The following NRG3 variants were observed in gnomAD, a reference collection of about 807,000 sequenced individuals.
The protein encoded by NRG3 is neuregulin 3.
In NRG3, 31 loss-of-function variants were observed where a neutral mutation model predicts 66.9. The observed-to-expected ratio is 0.46, with a 90% confidence interval of 0.35 to 0.63. The LOEUF (loss-of-function observed/expected upper bound fraction) is 0.63, where lower values mean the gene tolerates loss of function less well. Among genes scored for constraint, NRG3 ranks in the 20% least tolerant of loss-of-function variants. The pLI, the probability that NRG3 is intolerant of heterozygous loss-of-function variation, is 0.00. For synonymous variants in NRG3, 393 were observed against 359.4 expected (o/e 1.09, Z -1.06); for missense variants, 910 against 878.9 (o/e 1.04, Z -0.45).
At chr10:82,824,375 C>G (rs2062089789) in intron 3 of NRG3, among the ~76,000 whole-genome samples, 1 of 152,184 alleles carries the variant, frequency 6.6e-6, no homozygotes, top group Non-Finnish European at 1.5e-5. Flanking sequence ...ATTCTCTTCT[C>G]TATATACCCA....
chr10:82,398,625 G>A (rs534021668), intron 2 of NRG3, among the ~76,000 whole-genome samples: 1 of 152,108 alleles, frequency 6.6e-6, no homozygotes, highest in African/African-American at 2.4e-5. Flanking sequence ...TTTAGGCATA[G>A]TAAGTAAACA....
At chr10:82,040,507 G>A (rs1435783460) in intron 1 of NRG3, among the ~76,000 whole-genome samples, 2 of 151,846 alleles carry the variant, frequency 1.3e-5, no homozygotes, top group Non-Finnish European at 2.9e-5. Flanking sequence ...CCATATATGT[G>A]TCTCTACAAA....
intron 2 of NRG3, among the ~76,000 whole-genome samples, chr10:82,540,601 G>A (rs2043478684): frequency 6.6e-6 from 1 of 151,982 alleles, no homozygotes; most frequent in Non-Finnish European, 1.5e-5. Flanking sequence ...GTGGAGTAAG[G>A]GGACATCCAC....
intron 4 of NRG3, among the ~76,000 whole-genome samples, chr10:82,884,400 T>C (rs1366542210): frequency 6.6e-6 from 1 of 152,194 alleles, no homozygotes; most frequent in Non-Finnish European, 1.5e-5. Flanking sequence ...ATTGAGGAAA[T>C]AAAGTTTAAA....
At chr10:81,957,406 A>C (rs1463836341) in intron 1 of NRG3, among the ~76,000 whole-genome samples, 2 of 152,016 alleles carry the variant, frequency 1.3e-5, no homozygotes, top group Non-Finnish European at 2.9e-5. Context: ...CCCTTGCATC[A>C]TGACTCTGCC....
chr10:81,961,434 C>T (rs546283946), intron 1 of NRG3, among the ~76,000 whole-genome samples: 3 of 152,002 alleles, frequency 2.0e-5, no homozygotes, highest in South Asian at 2.1e-4. Context: ...CCCAAGACAC[C>T]GTGACCAGGC....
At chr10:82,745,581 G>T (rs1353600150) in intron 3 of NRG3, among the ~76,000 whole-genome samples, 1 of 152,056 alleles carries the variant, frequency 6.6e-6, no homozygotes, top group Non-Finnish European at 1.5e-5. Context: ...GAGAAACAGA[G>T]AATTATCTGA....
At chr10:81,966,484 A>G (rs1225911198) in intron 1 of NRG3, among the ~76,000 whole-genome samples, 1 of 151,692 alleles carries the variant, frequency 6.6e-6, no homozygotes, top group Non-Finnish European at 1.5e-5. Flanking sequence ...ATTTATTTAT[A>G]TTTTTTGTAG....
chr10:82,397,053 C>A (rs2086761144), intron 2 of NRG3, among the ~76,000 whole-genome samples: 1 of 152,264 alleles, frequency 6.6e-6, no homozygotes, highest in South Asian at 2.1e-4. Context: ...GAGCTTTGTG[C>A]CTTCCTGTTG....
intron 1 of NRG3, among the ~76,000 whole-genome samples, chr10:82,178,575 A>AATAT (rs1276748757): frequency 6.6e-6 from 1 of 152,148 alleles, no homozygotes; most frequent in East Asian, 1.9e-4. Flanking sequence ...TTTATGGCTA[A>AATAT]ATAGTATTTT....
At chr10:82,439,021 C>A (rs76902663) in intron 2 of NRG3, among the ~76,000 whole-genome samples, 1,559 of 151,926 alleles carry the variant, frequency 0.01, 28 homozygotes, top group African/African-American at 0.036. Flanking sequence ...TGTACATTAA[C>A]TTCTACTATA....
intron 1 of NRG3, among the ~76,000 whole-genome samples, chr10:82,141,633 T>G (rs2132646688): frequency 6.6e-6 from 1 of 151,188 alleles, no homozygotes; most frequent in South Asian, 2.1e-4. Flanking sequence ...GCATTTCTCT[T>G]AAAATAAAAA....
intron 1 of NRG3, among the ~76,000 whole-genome samples, chr10:82,114,472 A>T (rs1162488341): frequency 6.6e-6 from 1 of 152,176 alleles, no homozygotes; most frequent in Non-Finnish European, 1.5e-5. Flanking sequence ...GTTTATTAGC[A>T]TCCTTTATAG....
chr10:82,937,406 T>C (rs965579868), intron 4 of NRG3, among the ~76,000 whole-genome samples: 5 of 152,192 alleles, frequency 3.3e-5, no homozygotes, highest in Non-Finnish European at 7.3e-5. Context: ...GTCAGGTAAA[T>C]AGAGCGAGAC....
intron 2 of NRG3, among the ~76,000 whole-genome samples, chr10:82,382,514 T>C (rs2000379): frequency 0.42 from 63,005 of 151,752 alleles, 16,311 homozygotes; most frequent in African/African-American, 0.73. Flanking sequence ...CTAAACATTT[T>C]TGTTAGGTAG....
chr10:82,833,724 G>A (rs1201544596), intron 3 of NRG3, among the ~76,000 whole-genome samples: 2 of 152,168 alleles, frequency 1.3e-5, no homozygotes, highest in Non-Finnish European at 2.9e-5. Context: ...AATTCTTGAA[G>A]CACTACGTGC....
chr10:82,951,159 C>G (rs1400337313), intron 4 of NRG3, among the ~76,000 whole-genome samples: 1 of 152,178 alleles, frequency 6.6e-6, no homozygotes, highest in Non-Finnish European at 1.5e-5. Context: ...GGCCTTACCA[C>G]AATTTCACAG....
chr10:82,787,544 G>A (rs938908076), intron 3 of NRG3, among the ~76,000 whole-genome samples: 1 of 152,160 alleles, frequency 6.6e-6, no homozygotes, highest in Admixed American at 6.6e-5. Context: ...GTATTTCATG[G>A]AGACAGGCAA....
At chr10:82,904,037 AC>A (rs1205411490) in intron 4 of NRG3, among the ~76,000 whole-genome samples, 2 of 152,048 alleles carry the variant, frequency 1.3e-5, no homozygotes, top group Non-Finnish European at 2.9e-5. Context: ...TTGTATTTTA[AC>A]ATCTTCTTTT....
Sources: gnomAD v4.1 joint callset for allele counts (sites outside exome capture counted in the v4.1 genomes callset) on GRCh38, gnomAD v4.1.1 for gene constraint, MANE v1.5 for transcripts, NCBI Gene and HGNC (gene_info 2026-07-23, HGNC 2026-07-21) for gene names.